Variants in SLX4 observed in about 807,000 individuals in gnomAD.
The protein encoded by SLX4 is structure-specific endonuclease subunit SLX4.
A neutral mutation model predicts 146.2 loss-of-function variants in SLX4; 112 were observed. The ratio of observed to expected loss-of-function variants is 0.77; its 90% confidence interval spans 0.66 to 0.90. The LOEUF (loss-of-function observed/expected upper bound fraction) is 0.90, where lower values mean the gene tolerates loss of function less well. SLX4 is among the 40% of genes least tolerant of loss of function. SLX4 has a pLI of 0.00. For missense variants in SLX4, 2,563 were observed against 2,392.7 expected (o/e 1.07, Z -1.49); for synonymous variants, 1,061 against 997.7 (o/e 1.06, Z -1.20).
At position 3,590,191 on chromosome 16, in the gene SLX4, ATCT is replaced by A. The variant is rs1451063924; in HGVS notation, c.3444_3446del (p.Glu1148del). The A allele has an allele frequency of 6.8e-6, 11 of 1,613,986 alleles. No individual in the cohort carries two copies. The African/African-American group carries it at 1.2e-4, about 18-fold the overall frequency. The stretch of plus-strand genomic sequence containing the variant: ...CCGAGTCCAGTAAGAGGATGACCTC[ATCT>A]TCTTCGTTCAGTTTGGATGAAGATT... On this transcript the variant is annotated inframe_deletion, in exon 12 of 15. Transcript: ENST00000294008. This position sits in a 1 kb window ranked among gnomAD's most constrained non-coding sequence, Gnocchi z 4.8.
rs1022367239 is a variant in SLX4 at position 3,581,211 on chromosome 16, A to G, written c.*1131T>C. ...ATAAAGCCTTTTTGGTTTATTGCAC[A>G]TCATATAAAACTGACTGCACTGTAT... On this transcript the variant is annotated 3_prime_UTR_variant, in exon 15 of 15. Transcript: ENST00000294008. 6.6e-6 allele frequency: 1 copy of G among 152,644 alleles called. No individual in the cohort carries two copies. Among genetic ancestry groups the G allele is most frequent in the African/African-American group, 2.4e-5 (1 of 41,440 alleles). 9.5% of individuals were successfully genotyped at this position (152,644 alleles called of 1,614,324 possible). A position where few individuals can be genotyped will look rare whatever the true frequency, so the allele number is the denominator to read the frequency against.
chr16:3,581,488 G>C lies in SLX4; in HGVS notation c.*854C>G, dbSNP rs1348888575. 1 of 153,290 alleles carries C rather than the reference G, an allele frequency of 6.5e-6. No individual in the cohort carries two copies. Among genetic ancestry groups the C allele is most frequent in the Admixed American group, 6.5e-5 (1 of 15,290 alleles). The allele number at this position is 153,290 out of a possible 1,614,324, so 9.5% of individuals were successfully genotyped here. On this transcript the variant is annotated 3_prime_UTR_variant, in exon 15 of 15. Coordinates refer to ENST00000294008, the MANE Select transcript of SLX4 (RefSeq NM_032444.4). ...CGGCTGGGTCAGGAGAACTGCATCTGGGCTGTGGCAGTGCAGGGAGCCTCA... is the reference window on the plus strand; with the variant it reads ...CGGCTGGGTCAGGAGAACTGCATCTCGGCTGTGGCAGTGCAGGGAGCCTCA...
At chr16:3,592,634 C>T in intron 11 of SLX4, 65 bp downstream of exon 11, 1 of 1,554,416 alleles carries the variant, frequency 6.4e-7, no homozygotes, top group Non-Finnish European at 8.7e-7. Context: ...GCAGCACAAC[C>T]CTCCAGAGCT....
In SLX4 at chr16:3,583,484, C is replaced by T. The variant is rs746314060; in HGVS notation, c.4766G>A (p.Arg1589His). ...CTCCTTCAGCTTCAGAACCATCTGG[C>T]GTTTAGGCAGAGGGCGGACTCCAAA... Reference protein sequence around the residue: ...DRFGVRPLPKRQMVLKLKEIF... With the variant: ...DRFGVRPLPKHQMVLKLKEIF... The change falls in exon 14 of 15, where the codon CGC becomes CAC. Residue 1589 changes from arginine (R) to histidine (H), a missense_variant. Coordinates refer to ENST00000294008, the MANE Select transcript of SLX4 (RefSeq NM_032444.4). The T allele has an allele frequency of 3.0e-5, 49 of 1,614,174 alleles. No individual in the cohort carries two copies. Among genetic ancestry groups the T allele is most frequent in the Non-Finnish European group, 3.7e-5 (44 of 1,180,052 alleles).
chr16:3,582,754 A>AG lies in SLX4; in HGVS notation c.5154-62dup, dbSNP rs577384904. On this transcript the variant is annotated intron_variant, in intron 14 of 14. Transcript: ENST00000294008. ...TTTCTCTCCAGCCCCTGAGACCATG[A>AG]GCCTCTTTAAAGGAAGGAAGGTGTC... The AG allele has an allele frequency of 7.3e-4, 1,068 of 1,460,214 alleles. 8 individuals are homozygous for AG. The African/African-American group carries it at 0.013, about 17-fold the overall frequency. The allele number at this position is 1,460,214 out of a possible 1,614,324, so 90.5% of individuals were successfully genotyped here.
chr16:3,591,407 G>C, intron 11 of SLX4, 97 bp from the exon 12 acceptor site: 1 of 1,543,402 alleles, frequency 6.5e-7, no homozygotes, highest in Non-Finnish European at 8.8e-7. Context: ...TCTTCACCAG[G>C]AGGAATGACC....
In SLX4 at chr16:3,597,612, C is replaced by T. The variant is rs2151131455; in HGVS notation, c.1450G>A (p.Glu484Lys). 6.2e-7 allele frequency: 1 copy of T among 1,614,118 alleles called. No individual in the cohort carries two copies. The highest frequency in any genetic ancestry group is 1.7e-5 in the Admixed American group (1 of 60,018). ...GAGAGGAGCAGGGCCACACGGTCCT[C>T]TATCTGTCGGCCTGTGGTTTCAGAG... The part of the protein sequence containing the change: ...QDSETTGRQI[E>K]DRVALLLSEE... Residue 484 changes from glutamate (E) to lysine (K), a missense_variant, in exon 7 of 15, where the codon GAG becomes AAG. Glu to Lys is a moderately conservative substitution (Grantham distance 56). Coordinates refer to ENST00000294008, the MANE Select transcript of SLX4 (RefSeq NM_032444.4). The surrounding 1 kb of genome is among the most constrained non-coding windows in gnomAD (Gnocchi z 4.4).
At position 3,597,411 on chromosome 16, in the gene SLX4, C is replaced by T; in HGVS notation, c.1651G>A (p.Val551Ile). ...AMEDFYTARL[V>I]PPLVPQRPAQ... ...GGCCGCTGGGGCACGAGAGGAGGGACCAGCCTGGCCGTGTAGAAGTCCTCC... is the reference window on the plus strand; with the variant it reads ...GGCCGCTGGGGCACGAGAGGAGGGATCAGCCTGGCCGTGTAGAAGTCCTCC... Residue 551 changes from valine (V) to isoleucine (I), a missense_variant, in exon 7 of 15, where the codon GTC becomes ATC. Physicochemically the swap from Val to Ile is conservative, Grantham distance 29. Transcript: ENST00000294008. The surrounding 1 kb of genome is among the most constrained non-coding windows in gnomAD (Gnocchi z 4.4). 1.3e-6 allele frequency: 2 copies of T among 1,598,612 alleles called. No homozygotes were observed. The highest frequency in any genetic ancestry group is 2.7e-5 in the African/African-American group (2 of 74,896).
rs1320958776 is a variant in SLX4, at chr16:3,589,039, A to G, written c.4599T>C (p.Ala1533=). The G allele has an allele frequency of 4.3e-6, 7 of 1,614,020 alleles. No individual in the cohort carries two copies. In the African/African-American group the frequency reaches 5.3e-5, roughly 12 times the overall value. Residue 1533 remains alanine, a synonymous_variant, in exon 12 of 15, where the codon GCT becomes GCC. Transcript: ENST00000294008. This position sits in a 1 kb window ranked among gnomAD's most constrained non-coding sequence, Gnocchi z 6.2. ...ACCCTTCGGGCTTCTGAGCTCCACC[A>G]GCGCTTGGCATCTGGGCCGGAGGAG... ...ETPPPAQMPS[A]GGAQKPEGLE...
At chr16:3,601,708 A>G in intron 4 of SLX4, 1 of 313,886 alleles carries the variant, frequency 3.2e-6, no homozygotes. Context: ...CAACATATTA[A>G]GTCAAAGAAG....
intron 4 of SLX4, chr16:3,601,430 T>C: frequency 1.8e-6 from 1 of 551,788 alleles, no homozygotes; most frequent in Non-Finnish European, 3.3e-6. Flanking sequence ...CATGATGACT[T>C]AGAAATTCCA....
chr16:3,582,147 C>G lies in SLX4; in HGVS notation c.*195G>C, dbSNP rs544449642. 1 of 603,326 alleles carries G rather than the reference C, an allele frequency of 1.7e-6. No individual in the cohort carries two copies. Among genetic ancestry groups the G allele is most frequent in the African/African-American group, 1.8e-5 (1 of 54,068 alleles). 37.4% of individuals were successfully genotyped at this position (603,326 alleles called of 1,614,324 possible). ...AGTGGGTGACATGCTCCAAATGCCACCCTAGAAAGCAGAGCCCAGAGGAGG... is the reference window on the plus strand; with the variant it reads ...AGTGGGTGACATGCTCCAAATGCCAGCCTAGAAAGCAGAGCCCAGAGGAGG... On this transcript the variant is annotated 3_prime_UTR_variant, in exon 15 of 15. Coordinates refer to ENST00000294008, the MANE Select transcript of SLX4 (RefSeq NM_032444.4).
chr16:3,586,949 G>A, intron 12 of SLX4, among the ~76,000 whole-genome samples: 1 of 152,276 alleles, frequency 6.6e-6, no homozygotes, highest in South Asian at 2.1e-4. Flanking sequence ...GTTATATATG[G>A]CTCTGTTTAT....
intron 14 of SLX4, 28 bp from the exon 15 acceptor site, chr16:3,582,721 G>A (rs201912097): frequency 1.3e-6 from 2 of 1,586,986 alleles, no homozygotes; most frequent in Non-Finnish European, 8.6e-7. Flanking sequence ...AGGACGTTGT[G>A]CAACCCCTTT....
At chr16:3,610,701 C>G (rs906440905) in intron 1 of SLX4, among the ~76,000 whole-genome samples, 2 of 152,220 alleles carry the variant, frequency 1.3e-5, no homozygotes, top group African/African-American at 4.8e-5. Context: ...CCATTAAGCT[C>G]AACACTTCAG....
rs1242929879 is a variant in SLX4 at position 3,597,370 on chromosome 16, G to A, written c.1683+9C>T. ...AAGCCTATCCATGTGCCTGAGGGGA[G>A]GGACTCACCTGGGCAGGCCGCTGGG... On this transcript the variant is annotated intron_variant, in intron 7 of 14. Transcript: ENST00000294008. This position sits in a 1 kb window ranked among gnomAD's most constrained non-coding sequence, Gnocchi z 4.4. 1.3e-6 allele frequency: 2 copies of A among 1,541,194 alleles called. No homozygotes were observed. Among genetic ancestry groups the A allele is most frequent in the Admixed American group, 3.9e-5 (2 of 50,652 alleles).
rs1156452724 is a variant in SLX4, at chr16:3,604,899, ATAGGGGAT to A, written c.760+1567_760+1574del. Among the ~76,000 whole-genome samples the A allele has an allele frequency of 2.0e-5, 3 of 150,380 alleles. No homozygotes were observed. The East Asian group carries it at 5.8e-4, about 29-fold the overall frequency. Reference sequence around the variant, plus strand: ...ACATTTGTTAAATCTAGATTGAGGTATAGGGGATTAGGGGATTCATTGTAATTTTTTTT... The same window carrying A: ...ACATTTGTTAAATCTAGATTGAGGTATAGGGGATTCATTGTAATTTTTTTT... On this transcript the variant is annotated intron_variant, in intron 3 of 14. Coordinates refer to ENST00000294008, the MANE Select transcript of SLX4 (RefSeq NM_032444.4).
At chr16:3,584,649 G>C (rs1420331959) in intron 13 of SLX4, 120 bp downstream of exon 13, 2 of 821,354 alleles carry the variant, frequency 2.4e-6, no homozygotes, top group Non-Finnish European at 4.3e-6. Flanking sequence ...GCCCAGGCCA[G>C]CTGCATCCAC....
At chr16:3,586,809 C>T (rs2040513365) in intron 12 of SLX4, among the ~76,000 whole-genome samples, 1 of 148,768 alleles carries the variant, frequency 6.7e-6, no homozygotes, top group African/African-American at 2.5e-5. Context: ...CAGAGAGAGG[C>T]TCCGTCTCAA....
Sources: gnomAD v4.1 joint callset for allele counts (sites outside exome capture counted in the v4.1 genomes callset) on GRCh38, gnomAD v4.1.1 for gene constraint, Gnocchi (gnomAD v3.1) non-coding constraint, MANE v1.5 for transcripts, NCBI Gene and HGNC (gene_info 2026-07-23, HGNC 2026-07-21) for gene names.